The following KIAA1549 variants were observed in gnomAD, a reference collection of about 807,000 sequenced individuals.
KIAA1549 encodes the protein UPF0606 protein KIAA1549.
Under a neutral mutation model 156.4 loss-of-function variants are expected in KIAA1549, and 70 were observed. The ratio of observed to expected loss-of-function variants is 0.45; its 90% CI spans 0.37 to 0.55. The LOEUF (loss-of-function observed/expected upper bound fraction) is 0.55. KIAA1549 is among the 20% of genes least tolerant of loss of function. KIAA1549 has a pLI of 0.00. For missense variants in KIAA1549, 2,428 were observed against 2,540.9 expected (o/e 0.96, Z 0.96); for synonymous variants, 1,103 against 1,066.4 (o/e 1.03, Z -0.67).
intron 1 of KIAA1549, among the ~76,000 whole-genome samples, chr7:138,931,051 G>C (rs1334928411): frequency 6.6e-6 from 1 of 152,156 alleles, no homozygotes; most frequent in African/African-American, 2.4e-5. Context: ...GAGCCCTCAG[G>C]AGAGGGAGAG....
intron 8 of KIAA1549, 82 bp downstream of exon 8, chr7:138,903,506 G>T: frequency 7.2e-7 from 1 of 1,394,956 alleles, no homozygotes; most frequent in Non-Finnish European, 9.8e-7. Flanking sequence ...AAAATACAGG[G>T]TTTTAGATGG....
At position 138,881,440 on chromosome 7, in the gene KIAA1549, C is replaced by G. The variant is rs563679165; in HGVS notation, c.4177G>C (p.Val1393Leu). 30 of 1,613,898 alleles carry G rather than the reference C, an allele frequency of 1.9e-5. No homozygotes were observed. Among genetic ancestry groups the G allele is most frequent in the Non-Finnish European group, 2.5e-5 (29 of 1,179,900 alleles). The change falls in exon 11 of 20, where the codon GTG (valine) becomes CTG (leucine). Residue 1393 changes from valine to leucine, a missense_variant. By Grantham distance (32) the Val-to-Leu change is conservative. Transcript: ENST00000422774. Reference protein sequence around the residue: ...DHTTPSENGDVPSPKSKIPSK... With the variant: ...DHTTPSENGDLPSPKSKIPSK... ...GGGATCTTTGACTTGGGGCTTGGCA[C>G]GTCTCCATTTTCCGAGGGCGTGGTG...
intron 1 of KIAA1549, among the ~76,000 whole-genome samples, chr7:138,978,675 C>T (rs1814453011): frequency 6.6e-6 from 1 of 152,146 alleles, no homozygotes; most frequent in African/African-American, 2.4e-5. Context: ...GGGAATGCTG[C>T]CTCACATAGG....
rs144262582 is a variant in KIAA1549 at position 138,917,857 on chromosome 7, G to A, written c.1769C>T (p.Thr590Met). ...SLAVRDPSVF[T>M]PYSLVPSVES... ...CACTGAAGGAACCAGACTATAAGGC[G>A]TAAAAACACTCGGGTCTCTGACGGC... The change falls in exon 2 of 20, where the codon ACG (threonine) becomes ATG (methionine). Residue 590 changes from threonine to methionine, a missense_variant. Physicochemically the swap from Thr to Met is moderately conservative, Grantham distance 81. Transcript: ENST00000422774. 1,703 of 1,603,748 alleles carry A rather than the reference G, an allele frequency of 1.1e-3. 14 individuals carry two copies. In the African/African-American group the frequency reaches 0.019, roughly 18 times the overall value.
rs373014064 is a variant in KIAA1549 at position 138,881,530 on chromosome 7, G to A, written c.4087C>T (p.His1363Tyr). ...FDFAKQHLGQ[H>Y]NKDDILIIHE... ...ATAATCAATATGTCGTCTTTATTGT[G>A]CTGACCCAGATGCTGCTTAGCAAAA... Residue 1363 changes from histidine (H) to tyrosine (Y), a missense_variant, in exon 11 of 20, where the codon CAC (histidine) becomes TAC (tyrosine). By Grantham distance (83) the His-to-Tyr change is moderately conservative. Around this residue, in one of 5 missense-constraint regions of KIAA1549, gnomAD observed 762 missense variants for 901.6 expected, o/e 0.85. Transcript: ENST00000422774. 13 of 1,613,866 alleles carry A rather than the reference G, an allele frequency of 8.1e-6. No individual in the cohort carries two copies. The African/African-American group carries it at 1.6e-4, about 20-fold the overall frequency.
At chr7:138,903,456 T>A (rs1207982529) in intron 8 of KIAA1549, 132 bp downstream of exon 8, 1 of 926,796 alleles carries the variant, frequency 1.1e-6, no homozygotes, top group African/African-American at 1.7e-5. Context: ...TAGCGATCAG[T>A]GGAAATCAGA....
Position 138,917,261 on chromosome 7 carries a change from G to C in KIAA1549, c.2365C>G (p.Pro789Ala). 6.2e-7 allele frequency: 1 copy of C among 1,613,876 alleles called. No individual in the cohort carries two copies. Among genetic ancestry groups the C allele is most frequent in the Non-Finnish European group, 8.5e-7 (1 of 1,179,810 alleles). ...GGCGTTGTGTGGACAGTGGTCAATGGTGATGTTGCTTGAATCCCGGCAGTC... is the reference window on the plus strand; with the variant it reads ...GGCGTTGTGTGGACAGTGGTCAATGCTGATGTTGCTTGAATCCCGGCAGTC... ...ILTAGIQATS[P>A]LTTVHTTPIL... The change falls in exon 2 of 20, where the codon CCA (proline) becomes GCA (alanine). Residue 789 changes from proline (P) to alanine (A), a missense_variant. This residue lies in a region of KIAA1549 where 762 missense variants were observed against 901.6 expected (regional missense o/e 0.85). Coordinates refer to ENST00000422774, the MANE Select transcript of KIAA1549 (RefSeq NM_001164665.2).
Position 138,917,160 on chromosome 7 carries a change from C to T in KIAA1549, c.2466G>A (p.Val822=). The change falls in exon 2 of 20, where the codon GTG becomes GTA. Residue 822 remains valine (V), a synonymous_variant. Transcript: ENST00000422774. ...CTTTGGAGAAAGAGGCCAGGACAGA[C>T]ACGTGACCGTCTAGAGCACTGATTT... ...DDQISALDGH[V]SVLASFSKAI... is the part of the protein sequence containing the mutation. The T allele has an allele frequency of 6.2e-7, 1 of 1,613,818 alleles. No homozygotes were observed. The highest frequency in any genetic ancestry group is 2.2e-5 in the East Asian group (1 of 44,882).
At chr7:138,841,963 C>T (rs528503358) in intron 18 of KIAA1549, among the ~76,000 whole-genome samples, 36 of 151,860 alleles carry the variant, frequency 2.4e-4, no homozygotes, top group African/African-American at 8.2e-4. Context: ...TCAGGAAAAG[C>T]TGTCCTGGCT....
intron 12 of KIAA1549, 142 bp from the exon 13 acceptor site, chr7:138,871,504 T>C: frequency 1.6e-6 from 1 of 640,724 alleles, no homozygotes; most frequent in Non-Finnish European, 2.5e-6. Context: ...GCAGAGTGTT[T>C]ACAATTTCAC....
rs73730550 is a variant in KIAA1549, at chr7:138,957,138, A to C, written c.187+23945T>G. 7.1e-3 allele frequency among the ~76,000 whole-genome samples: 1,080 copies of C among 152,348 alleles called. 10 individuals carry two copies. Among genetic ancestry groups the C allele is most frequent in the African/African-American group, 0.025 (1,039 of 41,588 alleles). The stretch of plus-strand genomic sequence containing the variant: ...GTGCAAAGGCACAGGGGCATAAAAC[A>C]GTTCAACGCAGTTCCCCATATGGGG... On this transcript the variant is annotated intron_variant, in intron 1 of 19. Coordinates refer to ENST00000422774, the MANE Select transcript of KIAA1549 (RefSeq NM_001164665.2).
intron 10 of KIAA1549, among the ~76,000 whole-genome samples, chr7:138,889,097 T>A (rs1386848836): frequency 6.6e-6 from 1 of 152,254 alleles, no homozygotes; most frequent in Non-Finnish European, 1.5e-5. Context: ...TTTGGTATAC[T>A]TCCCATTAAG....
chr7:138,925,410 C>A (rs553139196), intron 1 of KIAA1549, among the ~76,000 whole-genome samples: 3 of 152,148 alleles, frequency 2.0e-5, no homozygotes, highest in East Asian at 3.9e-4. Context: ...GCAGGGCCAA[C>A]ACAGAAAGAA....
At chr7:138,975,600 T>C (rs1042921080) in intron 1 of KIAA1549, among the ~76,000 whole-genome samples, 3 of 152,128 alleles carry the variant, frequency 2.0e-5, no homozygotes, top group African/African-American at 4.8e-5. Flanking sequence ...AACTTGTCCA[T>C]AGTCACAAAG....
At chr7:138,958,918 G>A (rs1356302449) in intron 1 of KIAA1549, among the ~76,000 whole-genome samples, 1 of 151,366 alleles carries the variant, frequency 6.6e-6, no homozygotes, top group Non-Finnish European at 1.5e-5. Context: ...TTTCGTTTTT[G>A]AGATAGAGTG....
chr7:138,854,431 G>A (rs1261671675), intron 16 of KIAA1549, among the ~76,000 whole-genome samples: 2 of 152,140 alleles, frequency 1.3e-5, no homozygotes, highest in African/African-American at 4.8e-5. Context: ...CTGACTCACT[G>A]ATACATAACA....
chr7:138,854,795 T>C (rs1810337122), intron 16 of KIAA1549, among the ~76,000 whole-genome samples: 1 of 152,148 alleles, frequency 6.6e-6, no homozygotes, highest in African/African-American at 2.4e-5. Flanking sequence ...AATCTTACTA[T>C]GGGCTTGAAT....
chr7:138,952,348 C>A (rs1221200666), intron 1 of KIAA1549, among the ~76,000 whole-genome samples: 1 of 152,140 alleles, frequency 6.6e-6, no homozygotes, highest in Non-Finnish European at 1.5e-5. Context: ...CAAGATGAGG[C>A]ACATCAAAGA....
intron 1 of KIAA1549, among the ~76,000 whole-genome samples, chr7:138,947,073 A>G (rs1352553975): frequency 7.0e-6 from 1 of 143,278 alleles, no homozygotes; most frequent in Non-Finnish European, 1.5e-5. Context: ...AAGCAGGATA[A>G]TAAGTAAAAT....
Sources: allele counts gnomAD v4.1 joint callset (sites outside exome capture counted in the v4.1 genomes callset), GRCh38; gene constraint gnomAD v4.1.1; regional missense constraint gnomAD v4.1.1; transcripts MANE v1.5; gene names NCBI Gene and HGNC (gene_info 2026-07-23, HGNC 2026-07-21).